The following BSCL2 variants were observed in gnomAD, a reference collection of about 807,000 sequenced individuals.
The protein encoded by BSCL2 is BSCL2 lipid droplet biogenesis associated, seipin, also known as seipin.
In BSCL2, 41 loss-of-function variants were observed where a neutral mutation model predicts 57.4. The observed-to-expected ratio is 0.71, with a 90% CI of 0.56 to 0.93. BSCL2 has a LOEUF of 0.93. BSCL2 is among the 40% of genes least tolerant of loss of function. BSCL2 has a pLI of 0.00. For synonymous variants in BSCL2, 237 were observed against 227.3 expected (o/e 1.04, Z -0.38); for missense variants, 539 against 586.7 (o/e 0.92, Z 0.84).
At position 62,690,760 on chromosome 11, in the gene BSCL2, G is replaced by A. The variant is rs1489673940; in HGVS notation, c.1153+27C>T. The A allele has an allele frequency of 3.7e-6, 6 of 1,613,770 alleles. No individual in the cohort carries two copies. In the East Asian group the frequency reaches 8.9e-5, roughly 24 times the overall value. ...AAGGAGAAAGCCAAGGAGTCAGGAA[G>A]GAGAGAGTGTGGTGGCTGCGCCATA... On this transcript the variant is annotated intron_variant, in intron 9 of 10. Coordinates refer to ENST00000360796, the MANE Select transcript of BSCL2 (RefSeq NM_001122955.4).
chr11:62,703,453 G>A (rs1171245249), intron 2 of BSCL2, among the ~76,000 whole-genome samples: 4 of 142,184 alleles, frequency 2.8e-5, no homozygotes, highest in East Asian at 2.3e-4. Flanking sequence ...CCAGGTTCAC[G>A]CCATTTCTCC....
chr11:62,705,319 G>GTC lies in BSCL2; in HGVS notation c.385_386insGA (p.Pro129ArgfsTer28), dbSNP rs773357713. On this transcript the variant is annotated frameshift_variant, in exon 2 of 11. Coordinates refer to ENST00000360796, the MANE Select transcript of BSCL2 (RefSeq NM_001122955.4). LOFTEE classifies it high-confidence loss of function. Reference sequence around the variant, plus strand: ...CTCTCACCTGTAGTAGAAATGCACAGGGCTGAGGTGGCTGACTGTCGGCAT... The same window carrying GTC: ...CTCTCACCTGTAGTAGAAATGCACAGTCGGCTGAGGTGGCTGACTGTCGGCAT... 8 of 1,612,784 alleles carry GTC rather than the reference G, an allele frequency of 5.0e-6. No homozygotes were observed. Among genetic ancestry groups the GTC allele is most frequent in the Non-Finnish European group, 6.8e-6 (8 of 1,179,372 alleles).
In BSCL2 at chr11:62,694,799, C is replaced by T. The variant is rs1318865539; in HGVS notation, c.487-88G>A. 4.8e-6 allele frequency: 7 copies of T among 1,471,088 alleles called. No homozygotes were observed. The African/African-American group carries it at 7.0e-5, about 15-fold the overall frequency. 91.1% of individuals were successfully genotyped at this position (1,471,088 alleles called of 1,614,324 possible). A position where few individuals can be genotyped will look rare whatever the true frequency, so the allele number is the denominator to read the frequency against. On this transcript the variant is annotated intron_variant, in intron 3 of 10. Transcript: ENST00000360796. Reference sequence around the variant, plus strand: ...TCCACCTCCCTCTTAGCCCCCGCAACGCCCCCAAATACTCAGCCACAACCC... The same window carrying T: ...TCCACCTCCCTCTTAGCCCCCGCAATGCCCCCAAATACTCAGCCACAACCC...
chr11:62,709,129 T>C (rs1199291653), upstream of BSCL2: 4 of 481,000 alleles, frequency 8.3e-6, 1 homozygote, highest in South Asian at 4.7e-5. Context: ...TGGGCCAGGT[T>C]CTTGCTCTCA....
upstream of BSCL2, chr11:62,707,502 G>C (rs1040322115): frequency 4.7e-6 from 3 of 637,612 alleles, no homozygotes; most frequent in Non-Finnish European, 8.5e-6. Context: ...TTGAGAGGGG[G>C]AGTCGGCCTT....
At chr11:62,693,418 C>T (rs1306866979) in intron 4 of BSCL2, among the ~76,000 whole-genome samples, 1 of 152,006 alleles carries the variant, frequency 6.6e-6, no homozygotes, top group East Asian at 1.9e-4. Context: ...GCAGGAGAAT[C>T]GCTTGAACCC....
At chr11:62,706,709 C>T in intron 1 of BSCL2, 1 of 488,228 alleles carries the variant, frequency 2.0e-6, no homozygotes, top group Non-Finnish European at 4.2e-6. Flanking sequence ...GACCTGTAGG[C>T]ATCTAAGGCG....
upstream of BSCL2, chr11:62,708,815 G>A (rs2083585669): frequency 6.2e-7 from 1 of 1,608,942 alleles, no homozygotes; most frequent in Non-Finnish European, 8.5e-7. Flanking sequence ...GAGCTCCCCT[G>A]TCCCTTCTCA....
intron 3 of BSCL2, among the ~76,000 whole-genome samples, chr11:62,695,787 T>C (rs908538325): frequency 1.3e-5 from 2 of 151,662 alleles, no homozygotes; most frequent in African/African-American, 4.9e-5. Flanking sequence ...AAAACATGGG[T>C]TCAGCCTTGG....
intron 7 of BSCL2, 35 bp downstream of exon 7, chr11:62,691,245 C>G (rs373597298): frequency 6.4e-5 from 104 of 1,614,034 alleles, no homozygotes; most frequent in Middle Eastern, 4.9e-4. Flanking sequence ...CCACAAAGAT[C>G]AAAGGGACAA....
At chr11:62,691,791 C>T (rs555210304) in intron 6 of BSCL2, among the ~76,000 whole-genome samples, 1 of 152,308 alleles carries the variant, frequency 6.6e-6, no homozygotes, top group Admixed American at 6.5e-5. Flanking sequence ...TGGCTCACGC[C>T]TGTAATCCTA....
intron 1 of BSCL2, chr11:62,706,159 G>A (rs976147290): frequency 8.9e-6 from 9 of 1,007,474 alleles, no homozygotes; most frequent in Admixed American, 5.2e-5. Context: ...CTTCCCGCCA[G>A]TCCCCTCCAG....
upstream of BSCL2, chr11:62,707,907 T>C (rs938054314): frequency 1.1e-5 from 3 of 280,426 alleles, no homozygotes; most frequent in African/African-American, 4.3e-5. Flanking sequence ...CTGCCGCTTG[T>C]GGCTTCAGGT....
upstream of BSCL2, chr11:62,708,902 C>A: frequency 1.1e-6 from 1 of 899,026 alleles, no homozygotes; most frequent in Non-Finnish European, 1.8e-6. Flanking sequence ...TCCTTGCATC[C>A]CATCCCTAAC....
chr11:62,701,462 T>C (rs946027795), intron 3 of BSCL2, among the ~76,000 whole-genome samples: 19 of 152,216 alleles, frequency 1.2e-4, no homozygotes, highest in African/African-American at 4.3e-4. Flanking sequence ...CTACCTATAG[T>C]TGATTACAAT....
Position 62,705,309 on chromosome 11 carries a change from G to A in BSCL2, c.396C>T (p.Phe132=). Residue 132 remains phenylalanine, a synonymous_variant, in exon 2 of 11, where the codon TTC becomes TTT. Coordinates refer to ENST00000360796, the MANE Select transcript of BSCL2 (RefSeq NM_001122955.4). ...TAGAAGGCCCCTCTCACCTGTAGTAGAAATGCACAGGGCTGAGGTGGCTGA... is the reference window on the plus strand; with the variant it reads ...TAGAAGGCCCCTCTCACCTGTAGTAAAAATGCACAGGGCTGAGGTGGCTGA... The part of the protein sequence containing the change: ...PTVSHLSPVH[F]YYRTDCDSST... 6.2e-7 allele frequency: 1 copy of A among 1,611,430 alleles called. No individual in the cohort carries two copies.
In BSCL2 at chr11:62,692,656, C is replaced by G. The variant is rs372287991; in HGVS notation, c.765+7G>C. 6.8e-6 allele frequency: 11 copies of G among 1,614,040 alleles called. No individual in the cohort carries two copies. Among genetic ancestry groups the G allele is most frequent in the Non-Finnish European group, 9.3e-6 (11 of 1,180,034 alleles). On this transcript the variant is annotated splice_region_variant and intron_variant, in intron 5 of 10. Coordinates refer to ENST00000360796, the MANE Select transcript of BSCL2 (RefSeq NM_001122955.4). The stretch of plus-strand genomic sequence containing the variant: ...TCCTAGTCATAAAGCTCGTTCACCT[C>G]ACTCACCGAGTTCTCTCTATAGTCT...
intron 3 of BSCL2, chr11:62,697,508 C>A (rs547287226): frequency 6.6e-6 from 1 of 151,934 alleles, no homozygotes; most frequent in South Asian, 2.1e-4. Context: ...CCGCTTTGGG[C>A]CCGGCACAGT....
upstream of BSCL2, chr11:62,707,632 C>A: frequency 2.1e-6 from 1 of 486,810 alleles, no homozygotes; most frequent in Non-Finnish European, 3.8e-6. Flanking sequence ...GCTAGGCTCC[C>A]CCACTGGCCA....
Sources: allele counts gnomAD v4.1 joint callset (sites outside exome capture counted in the v4.1 genomes callset), GRCh38; gene constraint gnomAD v4.1.1; transcripts MANE v1.5; gene names NCBI Gene and HGNC (gene_info 2026-07-23, HGNC 2026-07-21).